LRRC9: variants seen among roughly 807,000 people sequenced by gnomAD.
LRRC9 encodes the protein leucine rich repeat containing 9, also known as leucine-rich repeat-containing protein 9.
In LRRC9, 122 loss-of-function variants were observed where a neutral mutation model predicts 63.2. The observed-to-expected ratio is 1.93, with a 90% CI of 1.67 to 2.24. The LOEUF (loss-of-function observed/expected upper bound fraction) is 2.24. Among genes scored for constraint, LRRC9 ranks in the 30% most tolerant of loss-of-function variants. The pLI is 0.00. For missense variants in LRRC9, 1,071 were observed against 627.7 expected, an observed-to-expected ratio of 1.71 and a Z score of -7.55; for synonymous variants, 366 against 213.1, an observed-to-expected ratio of 1.72 and a Z score of -6.25.
intron 28 of LRRC9, among the ~76,000 whole-genome samples, chr14:60,029,388 A>AGGGGAGTGTTTCATTT (rs908909621): frequency 6.6e-6 from 1 of 152,096 alleles, no homozygotes; most frequent in African/African-American, 2.4e-5. Context: ...CTTATATAGT[A>AGGGGAGTGTTTCATTT]GGGGAGTGTT....
intron 30 of LRRC9, among the ~76,000 whole-genome samples, chr14:60,056,665 T>C (rs1894304484): frequency 6.6e-6 from 1 of 152,168 alleles, no homozygotes; most frequent in African/African-American, 2.4e-5. Flanking sequence ...TTTTTATCTA[T>C]ATATGGTTAG....
intron 9 of LRRC9, 34 bp from the exon 10 acceptor site, chr14:59,960,880 T>G: frequency 1.7e-6 from 1 of 577,280 alleles, no homozygotes; most frequent in East Asian, 3.0e-5. Flanking sequence ...TTTTAGATCA[T>G]TCTAATAGCT....
At chr14:60,024,185 G>A (rs770850787) in intron 27 of LRRC9, among the ~76,000 whole-genome samples, 28 of 152,102 alleles carry the variant, frequency 1.8e-4, no homozygotes, top group South Asian at 4.2e-4. Flanking sequence ...TGGGTCAAAC[G>A]GTATTTCTGG....
chr14:59,966,757 T>C lies in LRRC9; in HGVS notation c.1380T>C (p.His460=), dbSNP rs1279130363. ...AGTTTTTGGAGAATGAAGATATGCATGATTCAGAGTAAGAAGCTGAATTCT... is the reference window on the plus strand; with the variant it reads ...AGTTTTTGGAGAATGAAGATATGCACGATTCAGAGTAAGAAGCTGAATTCT... The change falls in exon 11 of 32, where the codon CAT becomes CAC. Residue 460 remains histidine, a synonymous_variant. Transcript: ENST00000445360. This position sits in a 1 kb window ranked among gnomAD's most constrained non-coding sequence, Gnocchi z 4.0. 8 of 642,324 alleles carry C rather than the reference T, an allele frequency of 1.2e-5. No individual in the cohort carries two copies. Among genetic ancestry groups the C allele is most frequent in the Non-Finnish European group, 2.0e-5 (7 of 353,240 alleles). 39.8% of individuals were successfully genotyped at this position (642,324 alleles called of 1,614,324 possible). A position where few individuals can be genotyped will look rare whatever the true frequency, so the allele number is the denominator to read the frequency against.
chr14:59,987,642 T>C (rs954715668), intron 17 of LRRC9, among the ~76,000 whole-genome samples: 1 of 151,860 alleles, frequency 6.6e-6, no homozygotes, highest in South Asian at 2.1e-4. Flanking sequence ...GATCCACAGA[T>C]AGGATCAGAC....
At chr14:60,066,671 CTT>C (rs1894889315), downstream of LRRC9, among the ~76,000 whole-genome samples, 1 of 152,072 alleles carries the variant, frequency 6.6e-6, no homozygotes, top group Non-Finnish European at 1.5e-5. Context: ...TCTCAGTTGC[CTT>C]TTAGAACTAG....
intron 23 of LRRC9, among the ~76,000 whole-genome samples, chr14:60,012,170 A>G (rs1257058335): frequency 6.6e-6 from 1 of 152,200 alleles, no homozygotes; most frequent in African/African-American, 2.4e-5. Flanking sequence ...TGAGATATAA[A>G]TAAACTTTGG....
intron 29 of LRRC9, among the ~76,000 whole-genome samples, chr14:60,038,342 T>C (rs536071593): frequency 3.3e-5 from 5 of 152,226 alleles, no homozygotes; most frequent in Non-Finnish European, 7.3e-5. Flanking sequence ...ATTGAATCTA[T>C]AAATTACATT....
At chr14:60,013,116 A>G (rs937262005) in intron 23 of LRRC9, among the ~76,000 whole-genome samples, 1 of 65,688 alleles carries the variant, frequency 1.5e-5, no homozygotes, top group Non-Finnish European at 3.0e-5. Context: ...CCCCTCCCCC[A>G]AGGCTTAATA....
At chr14:60,050,386 A>T (rs922634422) in intron 29 of LRRC9, among the ~76,000 whole-genome samples, 1 of 152,276 alleles carries the variant, frequency 6.6e-6, no homozygotes, top group Admixed American at 6.5e-5. Flanking sequence ...TGCATTGTAA[A>T]GTTCTCATGT....
intron 29 of LRRC9, among the ~76,000 whole-genome samples, chr14:60,036,757 G>A (rs375085005): frequency 6.6e-6 from 1 of 150,672 alleles, no homozygotes; most frequent in South Asian, 2.1e-4. Context: ...GTGGCTTCAT[G>A]TACTTTATTA....
intron 30 of LRRC9, among the ~76,000 whole-genome samples, chr14:60,056,474 T>G (rs551283435): frequency 1.3e-5 from 2 of 152,188 alleles, no homozygotes; most frequent in Non-Finnish European, 2.9e-5. Flanking sequence ...AAGGGTTTGT[T>G]TGTTGGCTAT....
chr14:60,056,514 G>T (rs1894292554), intron 30 of LRRC9, among the ~76,000 whole-genome samples: 1 of 152,022 alleles, frequency 6.6e-6, no homozygotes, highest in Non-Finnish European at 1.5e-5. Context: ...AGTGAACTCA[G>T]ATTTTCCCCT....
chr14:60,032,654 G>A (rs1420261598), intron 29 of LRRC9, among the ~76,000 whole-genome samples: 1 of 152,102 alleles, frequency 6.6e-6, no homozygotes, highest in Non-Finnish European at 1.5e-5. Flanking sequence ...TATGACAATG[G>A]AGAGGCAAAA....
rs1441428004 is a variant in LRRC9 at position 60,058,789 on chromosome 14, A to AT, written c.4276+768dup. ...TTATAAAATGATCTAAGAGCCTCCT[A>AT]TAAAAAAAAGTAGACTGTTCCATGT... On this transcript the variant is annotated intron_variant, in intron 31 of 31. Transcript: ENST00000445360. This position sits in a 1 kb window ranked among gnomAD's most constrained non-coding sequence, Gnocchi z 4.4. 6.7e-6 allele frequency among the ~76,000 whole-genome samples: 1 copy of AT among 149,604 alleles called. No individual in the cohort carries two copies. The highest frequency in any genetic ancestry group is 2.4e-5 in the African/African-American group (1 of 41,350).
chr14:60,010,447 G>C (rs952316184), intron 23 of LRRC9, among the ~76,000 whole-genome samples: 1 of 101,232 alleles, frequency 9.9e-6, no homozygotes, highest in Non-Finnish European at 2.4e-5. Flanking sequence ...TGGGGGCCCT[G>C]GACCACTCCA....
chr14:60,065,584 G>C (rs12889404), downstream of LRRC9, among the ~76,000 whole-genome samples: 5 of 133,888 alleles, frequency 3.7e-5, no homozygotes, highest in African/African-American at 5.4e-5. Context: ...GGAGGCAGAG[G>C]TTGCAGTGAG....
chr14:60,021,996 T>G (rs1191876777), intron 26 of LRRC9, among the ~76,000 whole-genome samples: 1 of 151,858 alleles, frequency 6.6e-6, no homozygotes, highest in African/African-American at 2.4e-5. Flanking sequence ...AATTTTAGGA[T>G]AAGATGTTTA....
intron 23 of LRRC9, among the ~76,000 whole-genome samples, chr14:60,011,547 G>A (rs1890260544): frequency 6.6e-6 from 1 of 152,160 alleles, no homozygotes; most frequent in Non-Finnish European, 1.5e-5. Context: ...TAATCCTAGT[G>A]AGCGTGATTT....
Sources: allele counts gnomAD v4.1 joint callset (sites outside exome capture counted in the v4.1 genomes callset), GRCh38; gene constraint gnomAD v4.1.1; non-coding constraint Gnocchi (gnomAD v3.1); transcripts MANE v1.5; gene names NCBI Gene and HGNC (gene_info 2026-07-23, HGNC 2026-07-21).